MERTK: variants seen among roughly 807,000 people sequenced by gnomAD.
MERTK encodes MER proto-oncogene, tyrosine kinase.
In MERTK, 69 loss-of-function variants were observed where a neutral mutation model predicts 99.3. That is an observed-to-expected ratio of 0.70 (90% CI 0.57 to 0.85). MERTK has a LOEUF of 0.85. Among genes scored for constraint, MERTK ranks in the 40% least tolerant of loss-of-function variants. MERTK has a pLI of 0.00. For synonymous variants in MERTK, 426 were observed against 467.6 expected, an observed-to-expected ratio of 0.91 and a Z score of 1.15; for missense variants, 1,125 against 1,249.4, an observed-to-expected ratio of 0.90 and a Z score of 1.50.
intron 12 of MERTK, chr2:112,003,457 G>T (rs4303721): frequency 0.58 from 204,149 of 351,376 alleles, 60,750 homozygotes; most frequent in Middle Eastern, 0.62. Context: ...AATTCATTGA[G>T]TAGTTTCCTA....
At position 112,028,699 on chromosome 2, in the gene MERTK, C is replaced by A. The variant is rs768506814; in HGVS notation, c.2835C>A (p.Pro945=). The change falls in exon 19 of 19, where the codon CCC becomes CCA. Residue 945 remains proline (P), a synonymous_variant. Coordinates refer to ENST00000295408, the MANE Select transcript of MERTK (RefSeq NM_006343.3). ...AATGGGAAGATCTGACTTCTGCCCCCTCTGCTGCAGTCACAGCTGAAAAGA... is the reference window on the plus strand; with the variant it reads ...AATGGGAAGATCTGACTTCTGCCCCATCTGCTGCAGTCACAGCTGAAAAGA... ...SEEWEDLTSA[P]SAAVTAEKNS... 2 of 1,614,202 alleles carry A rather than the reference C, an allele frequency of 1.2e-6. No homozygotes were observed. Among genetic ancestry groups the A allele is most frequent in the Non-Finnish European group, 8.5e-7 (1 of 1,180,040 alleles).
chr2:111,962,991 C>T lies in MERTK; in HGVS notation c.758-2200C>T, dbSNP rs970861296. Among the ~76,000 whole-genome samples, 16 of 152,160 alleles carry T rather than the reference C, an allele frequency of 1.1e-4. No individual in the cohort carries two copies. In the East Asian group the frequency reaches 2.3e-3, roughly 22 times the overall value. On this transcript the variant is annotated intron_variant, in intron 4 of 18. Coordinates refer to ENST00000295408, the MANE Select transcript of MERTK (RefSeq NM_006343.3). ...GTGTTCAGCATATGGAGGATCCTGC[C>T]GGCCTCTGAGTTCCCTTAGTATTTA...
intron 1 of MERTK, among the ~76,000 whole-genome samples, chr2:111,914,101 C>CTTTTTTTTTTTTTTTTTTTTTTTT (rs765850254): frequency 2.1e-5 from 2 of 94,442 alleles, no homozygotes; most frequent in African/African-American, 4.8e-5. Flanking sequence ...TTCTTTCTTT[C>CTTTTTTTTTTTTTTTTTTTTTTTT]TTTTTTTTTT....
chr2:111,994,462 T>C (rs1676694109), intron 9 of MERTK, 58 bp downstream of exon 9: 1 of 1,607,962 alleles, frequency 6.2e-7, no homozygotes, highest in Non-Finnish European at 8.5e-7. Context: ...AGTGCACAGA[T>C]TGCCAGAAAG....
intron 2 of MERTK, among the ~76,000 whole-genome samples, chr2:111,933,559 A>G (rs574590604): frequency 6.6e-6 from 1 of 151,964 alleles, no homozygotes; most frequent in Non-Finnish European, 1.5e-5. Flanking sequence ...TTTTTTCTAA[A>G]AGGTATTAGG....
intron 8 of MERTK, among the ~76,000 whole-genome samples, chr2:111,988,515 G>A (rs979070448): frequency 6.6e-6 from 1 of 152,182 alleles, no homozygotes; most frequent in African/African-American, 2.4e-5. Context: ...AGAAGGTTTT[G>A]TATTTATTTA....
intron 1 of MERTK, among the ~76,000 whole-genome samples, chr2:111,927,131 C>A (rs1342116938): frequency 6.6e-6 from 1 of 152,202 alleles, no homozygotes; most frequent in South Asian, 2.1e-4. Flanking sequence ...AAAAGTCTTC[C>A]TGTATCCTTG....
intron 2 of MERTK, among the ~76,000 whole-genome samples, chr2:111,938,369 C>A (rs1450828620): frequency 6.6e-6 from 1 of 152,150 alleles, no homozygotes; most frequent in African/African-American, 2.4e-5. Context: ...AGTCTACTTT[C>A]TTTCTCTGTG....
intron 13 of MERTK, among the ~76,000 whole-genome samples, chr2:112,007,275 C>T (rs547539301): frequency 6.6e-6 from 1 of 152,316 alleles, no homozygotes; most frequent in East Asian, 1.9e-4. Flanking sequence ...TTGCCTCAGC[C>T]TCACAAGTAG....
chr2:112,001,113 C>T lies in MERTK; in HGVS notation c.1605-88C>T, dbSNP rs760814323. ...TGTTGTAGAAGAGCCCATTGAAAAG[C>T]GGAAGCTCTGTAGCATCCTTGTGGA... On this transcript the variant is annotated intron_variant, in intron 10 of 18. Transcript: ENST00000295408. The T allele has an allele frequency of 3.1e-6, 3 of 977,350 alleles. No homozygotes were observed. In the South Asian group the frequency reaches 3.9e-5, roughly 13 times the overall value. 60.5% of individuals were successfully genotyped at this position (977,350 alleles called of 1,614,324 possible).
At position 111,929,438 on chromosome 2, in the gene MERTK, C is replaced by T; in HGVS notation, c.380C>T (p.Thr127Ile). The T allele has an allele frequency of 1.1e-5, 18 of 1,614,074 alleles. No homozygotes were observed. Among genetic ancestry groups the T allele is most frequent in the Non-Finnish European group, 1.5e-5 (18 of 1,179,950 alleles). ...GTACCTAATATATACCAGGACACCA[C>T]AATTTCTTGGTGGAAAGATGGGAAG... is the stretch of plus-strand genomic sequence containing the variant. The part of the protein sequence containing the change: ...ISVPNIYQDT[T>I]ISWWKDGKEL... Residue 127 changes from threonine (T) to isoleucine (I), a missense_variant, in exon 2 of 19, where the codon ACA becomes ATA. Transcript: ENST00000295408.
At chr2:111,983,546 T>C (rs1676414750) in intron 8 of MERTK, among the ~76,000 whole-genome samples, 1 of 152,190 alleles carries the variant, frequency 6.6e-6, no homozygotes, top group African/African-American at 2.4e-5. Context: ...GACATCAGAA[T>C]TACTGGATCA....
At chr2:111,988,776 C>A (rs1676546701) in intron 8 of MERTK, among the ~76,000 whole-genome samples, 1 of 152,192 alleles carries the variant, frequency 6.6e-6, no homozygotes, top group South Asian at 2.1e-4. Flanking sequence ...TGGTGAAACC[C>A]TGTCTTTACT....
chr2:112,001,151 C>A, intron 10 of MERTK, 50 bp from the exon 11 acceptor site: 1 of 1,413,106 alleles, frequency 7.1e-7, no homozygotes, highest in Non-Finnish European at 1.0e-6. Context: ...CAGTGCCTGC[C>A]CCAGTAGCCC....
chr2:111,980,530 TG>T (rs1434269801), intron 7 of MERTK, among the ~76,000 whole-genome samples: 1 of 149,670 alleles, frequency 6.7e-6, no homozygotes, highest in Non-Finnish European at 1.5e-5. Context: ...GCCATTCTCC[TG>T]CCTCAGCCTC....
chr2:111,898,634 G>A lies in MERTK; in HGVS notation c.-102G>A, dbSNP rs1280994475. The A allele has an allele frequency of 2.1e-6, 3 of 1,414,826 alleles. No individual in the cohort carries two copies. The highest frequency in any genetic ancestry group is 1.9e-6 in the Non-Finnish European group (2 of 1,027,726). The allele number at this position is 1,414,826 out of a possible 1,614,324, so 87.6% of individuals were successfully genotyped here. A position where few individuals can be genotyped will look rare whatever the true frequency, so the allele number is the denominator to read the frequency against. Reference sequence around the variant, plus strand: ...TCGGCACTCACTGCCCGGGCCGCCCGGACAGGGAGCTTCGCTGGCGCGCTT... The same window carrying A: ...TCGGCACTCACTGCCCGGGCCGCCCAGACAGGGAGCTTCGCTGGCGCGCTT... On this transcript the variant is annotated 5_prime_UTR_variant, in exon 1 of 19. Transcript: ENST00000295408.
intron 15 of MERTK, among the ~76,000 whole-genome samples, chr2:112,017,501 A>C (rs1306298802): frequency 1.3e-5 from 2 of 152,052 alleles, no homozygotes; most frequent in Non-Finnish European, 2.9e-5. Context: ...GTGGTGGTGC[A>C]TGCCTGTAAT....
chr2:112,028,975 G>A lies in MERTK; in HGVS notation c.*111G>A, dbSNP rs367613631. On this transcript the variant is annotated 3_prime_UTR_variant, in exon 19 of 19. Transcript: ENST00000295408. ...GTCTTCCTTACCAAGTGAACTCCAT[G>A]GCCCCAAAGCACCAGATGAATGTTG... 2.2e-4 allele frequency: 358 copies of A among 1,592,686 alleles called. 1 individual carries two copies. The Middle Eastern group carries it at 8.3e-3, about 37-fold the overall frequency.
intron 1 of MERTK, among the ~76,000 whole-genome samples, chr2:111,899,294 C>G (rs1683991920): frequency 6.6e-6 from 1 of 152,128 alleles, no homozygotes; most frequent in African/African-American, 2.4e-5. Flanking sequence ...GAGCCGCAGT[C>G]CGGGAGCCGC....
Sources: allele counts gnomAD v4.1 joint callset (sites outside exome capture counted in the v4.1 genomes callset), GRCh38; gene constraint gnomAD v4.1.1; transcripts MANE v1.5; gene names NCBI Gene and HGNC (gene_info 2026-07-23, HGNC 2026-07-21).